Variants in IGSF21 observed in about 807,000 individuals in gnomAD.
The protein encoded by IGSF21 is immunoglobin superfamily member 21.
Under a neutral mutation model 46.8 loss-of-function variants are expected in IGSF21, and 28 were observed. That is an observed-to-expected ratio of 0.60 (90% confidence interval 0.44 to 0.82). The LOEUF is 0.82. Among genes scored for constraint, IGSF21 ranks in the 40% least tolerant of loss-of-function variants. The pLI is 0.00. For missense variants in IGSF21, 624 were observed against 665.5 expected, an observed-to-expected ratio of 0.94 and a Z score of 0.69; for synonymous variants, 284 against 273.6, an observed-to-expected ratio of 1.04 and a Z score of -0.38.
intron 1 of IGSF21, among the ~76,000 whole-genome samples, chr1:18,153,094 G>C (rs2086535502): frequency 6.6e-6 from 1 of 152,200 alleles, no homozygotes; most frequent in Non-Finnish European, 1.5e-5. Flanking sequence ...GAGCCCCCAA[G>C]GGCACTCAGA....
chr1:18,272,754 G>C (rs1468839110), intron 2 of IGSF21, among the ~76,000 whole-genome samples: 1 of 152,202 alleles, frequency 6.6e-6, no homozygotes, highest in Non-Finnish European at 1.5e-5. Context: ...GCCTCTCACA[G>C]TCTTGCCCAC....
chr1:18,348,172 A>G (rs546867688), intron 4 of IGSF21, among the ~76,000 whole-genome samples: 1 of 152,352 alleles, frequency 6.6e-6, no homozygotes, highest in Non-Finnish European at 1.5e-5. Context: ...TCACACAGTG[A>G]GTAAGTGGCA....
intron 4 of IGSF21, among the ~76,000 whole-genome samples, chr1:18,345,679 C>T (rs920022287): frequency 3.3e-5 from 5 of 152,314 alleles, no homozygotes; most frequent in East Asian, 3.9e-4. Context: ...CCACCGCACC[C>T]GGCTATGGTT....
chr1:18,293,571 G>T (rs1447648339), intron 3 of IGSF21, among the ~76,000 whole-genome samples: 5 of 152,100 alleles, frequency 3.3e-5, no homozygotes, highest in African/African-American at 9.7e-5. Flanking sequence ...TCCTGAACCT[G>T]CTTCCAAAAA....
rs1362087513 is a variant in IGSF21, at chr1:18,376,325, C to A, written c.1031C>A (p.Pro344His). 6.2e-7 allele frequency: 1 copy of A among 1,613,674 alleles called. No homozygotes were observed. Among genetic ancestry groups the A allele is most frequent in the Non-Finnish European group, 8.5e-7 (1 of 1,179,786 alleles). Residue 344 changes from proline to histidine, a missense_variant, in exon 7 of 10, where the codon CCC (proline) becomes CAC (histidine). Pro to His is a moderately conservative substitution (Grantham distance 77). Coordinates refer to ENST00000251296, the MANE Select transcript of IGSF21 (RefSeq NM_032880.5). Reference sequence around the variant, plus strand: ...CTCCCTACAGTTGCCCCCAAAGGACCCAAAATTGTGATGACGCCCAGCAGA... The same window carrying A: ...CTCCCTACAGTTGCCCCCAAAGGACACAAAATTGTGATGACGCCCAGCAGA... ...AEVTLVAPKG[P>H]KIVMTPSRAR...
At chr1:18,318,402 G>C (rs1459421630) in intron 3 of IGSF21, among the ~76,000 whole-genome samples, 1 of 152,174 alleles carries the variant, frequency 6.6e-6, no homozygotes, top group African/African-American at 2.4e-5. Context: ...AGCTTGCTGA[G>C]CCACAGATCA....
chr1:18,163,260 C>T (rs1466946454), intron 1 of IGSF21, among the ~76,000 whole-genome samples: 1 of 151,552 alleles, frequency 6.6e-6, no homozygotes, highest in Non-Finnish European at 1.5e-5. Flanking sequence ...GGCAATGTGG[C>T]AGGCCGGTGG....
intron 1 of IGSF21, chr1:18,179,038 G>A (rs971262235): frequency 6.6e-6 from 1 of 152,276 alleles, no homozygotes; most frequent in African/African-American, 2.4e-5. Flanking sequence ...TAAGAGGAAG[G>A]GTGGGGGACT....
At chr1:18,219,605 C>T (rs1320725512) in intron 1 of IGSF21, among the ~76,000 whole-genome samples, 1 of 152,120 alleles carries the variant, frequency 6.6e-6, no homozygotes, top group Non-Finnish European at 1.5e-5. Context: ...GCCTTGCTGG[C>T]TGCTTTGATG....
chr1:18,231,976 A>G (rs1358771321), intron 2 of IGSF21, among the ~76,000 whole-genome samples: 2 of 118,536 alleles, frequency 1.7e-5, no homozygotes, highest in African/African-American at 2.8e-5. Context: ...GGGAGGGTGA[A>G]AAAAGGGAGA....
intron 2 of IGSF21, among the ~76,000 whole-genome samples, chr1:18,234,555 A>G (rs1017860730): frequency 1.3e-5 from 2 of 152,178 alleles, no homozygotes; most frequent in African/African-American, 4.8e-5. Context: ...TTAACTCACA[A>G]TTCTGCAGGG....
chr1:18,302,425 C>T (rs1025872140), intron 3 of IGSF21, among the ~76,000 whole-genome samples: 26 of 152,316 alleles, frequency 1.7e-4, no homozygotes, highest in Admixed American at 1.3e-3. Context: ...CACAGAGGAC[C>T]GGCACCATCT....
At chr1:18,321,695 C>T (rs1469339383) in intron 3 of IGSF21, among the ~76,000 whole-genome samples, 5 of 152,162 alleles carry the variant, frequency 3.3e-5, no homozygotes, top group Non-Finnish European at 7.4e-5. Flanking sequence ...TGGGGGTGCT[C>T]ATCCCACCGT....
intron 1 of IGSF21, among the ~76,000 whole-genome samples, chr1:18,133,418 C>T (rs2124418620): frequency 6.6e-6 from 1 of 152,360 alleles, no homozygotes; most frequent in East Asian, 1.9e-4. Context: ...GCTGTGTGGC[C>T]CTGGACAAGT....
intron 2 of IGSF21, among the ~76,000 whole-genome samples, chr1:18,240,140 A>G (rs2084712805): frequency 1.3e-5 from 2 of 152,130 alleles, no homozygotes; most frequent in Non-Finnish European, 2.9e-5. Flanking sequence ...TTAACCAGGC[A>G]TGGTGGTGCT....
At chr1:18,353,507 C>G (rs1347413318) in intron 4 of IGSF21, among the ~76,000 whole-genome samples, 1 of 152,014 alleles carries the variant, frequency 6.6e-6, no homozygotes, top group Non-Finnish European at 1.5e-5. Flanking sequence ...GTGAGGGTAT[C>G]GGAGGAAAAG....
intron 1 of IGSF21, among the ~76,000 whole-genome samples, chr1:18,226,577 A>G (rs2084568990): frequency 6.6e-6 from 1 of 152,162 alleles, no homozygotes; most frequent in Admixed American, 6.5e-5. Context: ...CTCACCCTGG[A>G]GGCTGGGTCC....
intron 1 of IGSF21, among the ~76,000 whole-genome samples, chr1:18,147,265 T>G (rs1476944459): frequency 6.6e-6 from 1 of 152,136 alleles, no homozygotes; most frequent in Non-Finnish European, 1.5e-5. Context: ...CATGCCTTAC[T>G]CTCCTTCCTC....
At chr1:18,344,945 A>G (rs1392932689) in intron 4 of IGSF21, among the ~76,000 whole-genome samples, 2 of 152,194 alleles carry the variant, frequency 1.3e-5, no homozygotes, top group Non-Finnish European at 2.9e-5. Flanking sequence ...GAGGCTGCAG[A>G]GGGAGGCATG....
Sources: gnomAD v4.1 joint callset for allele counts (sites outside exome capture counted in the v4.1 genomes callset) on GRCh38, gnomAD v4.1.1 for gene constraint, MANE v1.5 for transcripts, NCBI Gene and HGNC (gene_info 2026-07-23, HGNC 2026-07-21) for gene names.